FLNB: variants seen among roughly 807,000 people sequenced by gnomAD.
FLNB encodes the protein filamin B, also known as filamin-B.
A neutral mutation model predicts 250.6 loss-of-function variants in FLNB; 111 were observed. That is an observed-to-expected ratio of 0.44 (90% CI 0.38 to 0.52). FLNB has a LOEUF of 0.52. Among genes scored for constraint, FLNB ranks in the 20% least tolerant of loss-of-function variants. The probability of loss-of-function intolerance (pLI) is 0.00; values close to 1 mark genes in which losing one functional copy is unlikely to be tolerated. For synonymous variants in FLNB, 1,302 were observed against 1,372.1 expected, an observed-to-expected ratio of 0.95 and a Z score of 1.13; for missense variants, 2,869 against 3,447.8, an observed-to-expected ratio of 0.83 and a Z score of 4.20.
In FLNB at chr3:58,103,942, C is replaced by T; in HGVS notation, c.1484-17C>T. 6.2e-7 allele frequency: 1 copy of T among 1,613,910 alleles called. No individual in the cohort carries two copies. Among genetic ancestry groups the T allele is most frequent in the Non-Finnish European group, 8.5e-7 (1 of 1,179,848 alleles). ...CCTAGGATTGTGTTGGAAAGATTAT[C>T]TCCTTCCTTCCCACAGAGGGTCTGG... On this transcript the variant is annotated splice_polypyrimidine_tract_variant and intron_variant, in intron 9 of 45. Transcript: ENST00000295956.
At chr3:58,097,258 A>T (rs1390732088) in intron 6 of FLNB, among the ~76,000 whole-genome samples, 1 of 152,128 alleles carries the variant, frequency 6.6e-6, no homozygotes, top group East Asian at 1.9e-4. Context: ...AATGCTCTTG[A>T]AGGGAGCATT....
chr3:58,122,168 C>CAAA (rs546747097), intron 20 of FLNB, among the ~76,000 whole-genome samples: 6 of 65,878 alleles, frequency 9.1e-5, no homozygotes, highest in African/African-American at 3.3e-4. Flanking sequence ...GACTCCGTCT[C>CAAA]AAAAAAAAAA....
chr3:58,147,225 G>A (rs2097337198), intron 34 of FLNB, among the ~76,000 whole-genome samples: 1 of 152,226 alleles, frequency 6.6e-6, no homozygotes, highest in Non-Finnish European at 1.5e-5. Context: ...CACTTTTATT[G>A]TGCCAGTGTG....
intron 1 of FLNB, among the ~76,000 whole-genome samples, chr3:58,058,222 A>C (rs917158814): frequency 3.9e-5 from 6 of 152,252 alleles, no homozygotes; most frequent in African/African-American, 1.4e-4. Context: ...AGTTTTTACT[A>C]ACTTTTACTA....
At chr3:58,047,554 T>C (rs1381588447) in intron 1 of FLNB, among the ~76,000 whole-genome samples, 1 of 151,992 alleles carries the variant, frequency 6.6e-6, no homozygotes, top group Non-Finnish European at 1.5e-5. Context: ...GCTCTAAAGA[T>C]GCATATCACA....
At chr3:58,055,699 G>T (rs2097169355) in intron 1 of FLNB, among the ~76,000 whole-genome samples, 1 of 152,190 alleles carries the variant, frequency 6.6e-6, no homozygotes, top group Admixed American at 6.5e-5. Flanking sequence ...ATTATTAATT[G>T]TAGCCAGAGT....
At position 58,125,732 on chromosome 3, in the gene FLNB, C is replaced by G; in HGVS notation, c.4050C>G (p.Thr1350=). The change falls in exon 23 of 46, where the codon ACC becomes ACG. Residue 1350 remains threonine, a synonymous_variant. Coordinates refer to ENST00000295956, the MANE Select transcript of FLNB (RefSeq NM_001457.4). ...TTACCAACAAGCCCAATGTCTTCAC[C>G]GTGGTTACCAGGTAGGCAAGGCCCT... ...EAFTNKPNVF[T]VVTRGAGIGG... 1 of 1,614,126 alleles carries G rather than the reference C, an allele frequency of 6.2e-7. No homozygotes were observed. The highest frequency in any genetic ancestry group is 2.2e-5 in the East Asian group (1 of 44,886).
Position 58,118,893 on chromosome 3 carries a change from A to T in FLNB, c.2767A>T (p.Thr923Ser). 14 of 1,613,960 alleles carry T rather than the reference A, an allele frequency of 8.7e-6. No homozygotes were observed. Among genetic ancestry groups the T allele is most frequent in the Non-Finnish European group, 1.2e-5 (14 of 1,179,900 alleles). Residue 923 changes from threonine to serine, a missense_variant, in exon 19 of 46, where the codon ACT becomes TCT. Thr to Ser is a moderately conservative substitution (Grantham distance 58). This residue lies in a region of FLNB where 1,348 missense variants were observed against 1,466.7 expected (regional missense o/e 0.92). Coordinates refer to ENST00000295956, the MANE Select transcript of FLNB (RefSeq NM_001457.4). ...TQQGNMQVLVTYGGDPIPKSP... is the reference protein window; with the variant it reads ...TQQGNMQVLVSYGGDPIPKSP... Reference sequence around the variant, plus strand: ...CCAGGGCAACATGCAGGTTCTGGTGACTTACGGTGGCGATCCCATCCCTAA... The same window carrying T: ...CCAGGGCAACATGCAGGTTCTGGTGTCTTACGGTGGCGATCCCATCCCTAA...
At chr3:58,051,104 A>G (rs911856540) in intron 1 of FLNB, among the ~76,000 whole-genome samples, 1 of 152,224 alleles carries the variant, frequency 6.6e-6, no homozygotes, top group Non-Finnish European at 1.5e-5. Flanking sequence ...ACCCCACTGT[A>G]AAATGGATAT....
intron 26 of FLNB, 113 bp downstream of exon 26, chr3:58,133,044 C>T: frequency 3.3e-6 from 4 of 1,202,936 alleles, no homozygotes; most frequent in South Asian, 1.4e-5. Context: ...TCCATCCACT[C>T]ATCCATTCCT....
chr3:58,088,038 C>CTTTTT (rs56009116), intron 4 of FLNB, among the ~76,000 whole-genome samples: 12 of 84,510 alleles, frequency 1.4e-4, no homozygotes, highest in Non-Finnish European at 1.9e-4. Context: ...GGCGCCCAGC[C>CTTTTT]TTTTTTTTTT....
intron 1 of FLNB, among the ~76,000 whole-genome samples, chr3:58,014,719 A>G (rs1216612906): frequency 6.6e-6 from 1 of 150,998 alleles, no homozygotes; most frequent in African/African-American, 2.4e-5. Flanking sequence ...GGTGCCAGTC[A>G]CCTTGCGTTT....
At chr3:58,050,357 G>A (rs770111332) in intron 1 of FLNB, among the ~76,000 whole-genome samples, 1 of 152,174 alleles carries the variant, frequency 6.6e-6, no homozygotes, top group Non-Finnish European at 1.5e-5. Context: ...GTAATTTGCT[G>A]TGCAGGAGTG....
At chr3:58,082,774 CAAAA>C (rs11325453) in intron 4 of FLNB, among the ~76,000 whole-genome samples, 1 of 142,268 alleles carries the variant, frequency 7.0e-6, no homozygotes, top group African/African-American at 2.5e-5. Context: ...GCCTCCGTCT[CAAAA>C]AAAAAAAACG....
chr3:58,071,015 A>G (rs1419202207), intron 1 of FLNB, among the ~76,000 whole-genome samples: 2 of 144,478 alleles, frequency 1.4e-5, no homozygotes, highest in African/African-American at 5.2e-5. Context: ...TGGCGTGATC[A>G]TGGTTCACTG....
intron 29 of FLNB, among the ~76,000 whole-genome samples, chr3:58,139,612 A>G (rs945539206): frequency 2.0e-5 from 3 of 152,232 alleles, no homozygotes; most frequent in Non-Finnish European, 4.4e-5. Context: ...TTATGTCTCA[A>G]GTATGTAAAT....
Position 58,170,691 on chromosome 3 carries a change from G to A in FLNB, c.7738G>A (p.Asp2580Asn), listed in dbSNP as rs758182239. 23 of 1,614,046 alleles carry A rather than the reference G, an allele frequency of 1.4e-5. No individual in the cohort carries two copies. The highest frequency in any genetic ancestry group is 9.9e-5 in the South Asian group (9 of 91,080). ...CACATACGTCGTCAAGGAGAGGGGCGATTATGTGCTGGCTGTGAAGTGGGG... is the reference window on the plus strand; with the variant it reads ...CACATACGTCGTCAAGGAGAGGGGCAATTATGTGCTGGCTGTGAAGTGGGG... The part of the protein sequence containing the change: ...NVTYVVKERG[D>N]YVLAVKWGEE... The change falls in exon 46 of 46, where the codon GAT becomes AAT. Residue 2580 changes from aspartate (D) to asparagine (N), a missense_variant. Transcript: ENST00000295956.
At chr3:58,041,902 GTTCCTCATCCA>G (rs2097146576) in intron 1 of FLNB, among the ~76,000 whole-genome samples, 1 of 152,200 alleles carries the variant, frequency 6.6e-6, no homozygotes, top group African/African-American at 2.4e-5. Context: ...CACCAGAAGG[GTTCCTCATCCA>G]GCTGTCTTGC....
intron 18 of FLNB, among the ~76,000 whole-genome samples, chr3:58,116,936 C>T (rs1302261115): frequency 6.6e-6 from 1 of 152,166 alleles, no homozygotes; most frequent in Non-Finnish European, 1.5e-5. Context: ...GTAACAGCTT[C>T]TACCTTGAAA....
Sources: allele counts gnomAD v4.1 joint callset (sites outside exome capture counted in the v4.1 genomes callset), GRCh38; gene constraint gnomAD v4.1.1; regional missense constraint gnomAD v4.1.1; transcripts MANE v1.5; gene names NCBI Gene and HGNC (gene_info 2026-07-23, HGNC 2026-07-21).